The following ELMOD2 variants were observed in gnomAD, a reference collection of about 807,000 sequenced individuals.
ELMOD2 encodes the protein ELMO domain containing 2.
Under a neutral mutation model 41.0 loss-of-function variants are expected in ELMOD2, and 28 were observed. The ratio of observed to expected loss-of-function variants is 0.68; its 90% CI spans 0.51 to 0.94. The LOEUF is 0.94. ELMOD2 is among the 40% of genes least tolerant of loss of function. The pLI is 0.00. For synonymous variants in ELMOD2, 106 were observed against 107.2 expected, an observed-to-expected ratio of 0.99 and a Z score of 0.07; for missense variants, 333 against 343.1, an observed-to-expected ratio of 0.97 and a Z score of 0.23.
intron 8 of ELMOD2, 57 bp from the exon 9 acceptor site, chr4:140,550,173 G>T: frequency 7.0e-7 from 1 of 1,419,934 alleles, no homozygotes. Flanking sequence ...AAGATGAGAC[G>T]GTTTGAATGT....
At chr4:140,525,770 G>T (rs1449223127) in intron 2 of ELMOD2, among the ~76,000 whole-genome samples, 200 bp downstream of exon 2, 1 of 152,218 alleles carries the variant, frequency 6.6e-6, no homozygotes, top group Non-Finnish European at 1.5e-5. Flanking sequence ...AATTGCTTAT[G>T]TGTGGAAAGA....
chr4:140,525,050 G>C (rs1158112468), intron 1 of ELMOD2: 1 of 164,130 alleles, frequency 6.1e-6, no homozygotes, highest in Non-Finnish European at 1.3e-5. Context: ...TTGATTAGTT[G>C]GAGTCCTCTT....
Position 140,546,856 on chromosome 4 carries a change from T to G in ELMOD2, c.736+3270T>G, listed in dbSNP as rs11100665. Among the ~76,000 whole-genome samples the G allele has an allele frequency of 3.2e-3, 491 of 152,278 alleles. 2 individuals carry two copies. The highest frequency in any genetic ancestry group is 6.0e-3 in the Non-Finnish European group (409 of 68,006). ...AATATCTGAGGTAGAAAAGTCATTG[T>G]AGAACCCTTTCAGTTGCCTCCTGTC... On this transcript the variant is annotated intron_variant, in intron 8 of 8. Coordinates refer to ENST00000323570, the MANE Select transcript of ELMOD2 (RefSeq NM_153702.4).
At position 140,550,274 on chromosome 4, in the gene ELMOD2, C is replaced by G; in HGVS notation, c.781C>G (p.Pro261Ala). The G allele has an allele frequency of 6.2e-7, 1 of 1,610,822 alleles. No individual in the cohort carries two copies. Among genetic ancestry groups the G allele is most frequent in the Non-Finnish European group, 8.5e-7 (1 of 1,178,462 alleles). Residue 261 changes from proline to alanine, a missense_variant, in exon 9 of 9, where the codon CCA (proline) becomes GCA (alanine). Pro to Ala is a conservative substitution (Grantham distance 27). Transcript: ENST00000323570. ...TGACAAGTTTTGGTTTGAAGAAGAA[C>G]CAGAAAGCATTATGTATTTCAATTT... ...EFDKFWFEEE[P>A]ESIMYFNLYR...
At position 140,531,532 on chromosome 4, in the gene ELMOD2, A is replaced by G. The variant is rs893334840; in HGVS notation, c.171+4038A>G. The stretch of plus-strand genomic sequence containing the variant: ...TTAGGGAGGAATACTTTGGCAATCT[A>G]TTGGTGTTTTTGGTGGCTGTCTTTT... On this transcript the variant is annotated intron_variant, in intron 3 of 8. Transcript: ENST00000323570. Among the ~76,000 whole-genome samples the G allele has an allele frequency of 1.1e-4, 16 of 152,332 alleles. No homozygotes were observed. The East Asian group carries it at 1.9e-3, about 18-fold the overall frequency.
chr4:140,538,985 T>A (rs1231472284), intron 5 of ELMOD2, among the ~76,000 whole-genome samples: 1 of 152,194 alleles, frequency 6.6e-6, no homozygotes, highest in Non-Finnish European at 1.5e-5. Flanking sequence ...CCTTGCAGAA[T>A]TCATGGAGAG....
chr4:140,525,526 G>A lies in ELMOD2; in HGVS notation c.98G>A (p.Arg33Gln), dbSNP rs150918381. ...RQMTGKCELQ[R>Q]IFDTYVGAQR... is the part of the protein sequence containing the mutation. Reference sequence around the variant, plus strand: ...ATGACTGGGAAGTGTGAATTGCAGCGAATATTTGATACCTATGTAGGTGCA... The same window carrying A: ...ATGACTGGGAAGTGTGAATTGCAGCAAATATTTGATACCTATGTAGGTGCA... Residue 33 changes from arginine to glutamine, a missense_variant, in exon 2 of 9, where the codon CGA becomes CAA. Arg to Gln is a conservative substitution (Grantham distance 43). Transcript: ENST00000323570. 1 of 1,613,788 alleles carries A rather than the reference G, an allele frequency of 6.2e-7. No homozygotes were observed. The highest frequency in any genetic ancestry group is 8.5e-7 in the Non-Finnish European group (1 of 1,179,876).
Position 140,530,803 on chromosome 4 carries a change from T to C in ELMOD2, c.171+3309T>C, listed in dbSNP as rs373695607. Among the ~76,000 whole-genome samples the C allele has an allele frequency of 2.6e-5, 4 of 152,296 alleles. No homozygotes were observed. In the East Asian group the frequency reaches 7.7e-4, roughly 29 times the overall value. ...TTGCACCTAATTTGTATATTCCATT[T>C]ACTTTGTAGGGTAAATCTATTTCTC... On this transcript the variant is annotated intron_variant, in intron 3 of 8. Transcript: ENST00000323570.
At chr4:140,524,999 C>A in intron 1 of ELMOD2, 1 of 161,054 alleles carries the variant, frequency 6.2e-6, no homozygotes, top group Non-Finnish European at 1.4e-5. Flanking sequence ...AGAGTGTATT[C>A]TATAAAAACA....
At chr4:140,527,403 T>TA in intron 2 of ELMOD2, 63 bp from the exon 3 acceptor site, 1 of 1,277,584 alleles carries the variant, frequency 7.8e-7, no homozygotes, top group Non-Finnish European at 1.1e-6. Context: ...AGTTGTTTAT[T>TA]ATAGGGTAAT....
At position 140,550,525 on chromosome 4, in the gene ELMOD2, A is replaced by G; in HGVS notation, c.*150A>G. ...TTCTATTTAAGAAAGCTAGTGGACA[A>G]TCAGTGTATGTTTACAATTGTTTAT... is the stretch of plus-strand genomic sequence containing the variant. On this transcript the variant is annotated 3_prime_UTR_variant, in exon 9 of 9. Coordinates refer to ENST00000323570, the MANE Select transcript of ELMOD2 (RefSeq NM_153702.4). The G allele has an allele frequency of 1.3e-6, 1 of 774,260 alleles. No individual in the cohort carries two copies. The highest frequency in any genetic ancestry group is 2.0e-5 in the South Asian group (1 of 49,872). The allele number at this position is 774,260 out of a possible 1,614,324, so 48.0% of individuals were successfully genotyped here.
rs1200220869 is a variant in ELMOD2 at position 140,524,801 on chromosome 4, CGA to C, written c.-10+523_-10+524del. On this transcript the variant is annotated intron_variant, in intron 1 of 8. Coordinates refer to ENST00000323570, the MANE Select transcript of ELMOD2 (RefSeq NM_153702.4). ...CTTATGGCATAAGATATAGTTGTAT[CGA>C]GTGTGTACTTAGCAAAACAAAAACT... is the stretch of plus-strand genomic sequence containing the variant. 9 of 251,890 alleles carry C rather than the reference CGA, an allele frequency of 3.6e-5. 1 individual carries two copies. The highest frequency in any genetic ancestry group is 5.6e-5 in the Non-Finnish European group (9 of 159,574). 15.6% of individuals were successfully genotyped at this position (251,890 alleles called of 1,614,324 possible). A position where few individuals can be genotyped will look rare whatever the true frequency, so the allele number is the denominator to read the frequency against.
rs1233978789 is a variant in ELMOD2 at position 140,550,728 on chromosome 4, T to A, written c.*353T>A. Reference sequence around the variant, plus strand: ...GTTTTTATGTGTTATAGGGTCAAGTTGGTATCTTTTTCAAAGCTCTTTAAG... The same window carrying A: ...GTTTTTATGTGTTATAGGGTCAAGTAGGTATCTTTTTCAAAGCTCTTTAAG... On this transcript the variant is annotated 3_prime_UTR_variant, in exon 9 of 9. Transcript: ENST00000323570. The A allele has an allele frequency of 6.5e-6, 1 of 153,796 alleles. No individual in the cohort carries two copies. Among genetic ancestry groups the A allele is most frequent in the Non-Finnish European group, 1.5e-5 (1 of 68,866 alleles). The allele number at this position is 153,796 out of a possible 1,614,324, so 9.5% of individuals were successfully genotyped here.
Position 140,550,707 on chromosome 4 carries a change from T to G in ELMOD2, c.*332T>G, listed in dbSNP as rs1735446351. ...AAATGTGTAAAATCAATTTTCGTTT[T>G]TATGTGTTATAGGGTCAAGTTGGTA... On this transcript the variant is annotated 3_prime_UTR_variant, in exon 9 of 9. Coordinates refer to ENST00000323570, the MANE Select transcript of ELMOD2 (RefSeq NM_153702.4). 6.3e-6 allele frequency: 1 copy of G among 158,126 alleles called. No homozygotes were observed. The highest frequency in any genetic ancestry group is 2.4e-5 in the African/African-American group (1 of 41,622). 9.8% of individuals were successfully genotyped at this position (158,126 alleles called of 1,614,324 possible). A position where few individuals can be genotyped will look rare whatever the true frequency, so the allele number is the denominator to read the frequency against.
At chr4:140,540,352 C>A (rs766421419) in intron 6 of ELMOD2, 51 bp downstream of exon 6, 1 of 1,597,214 alleles carries the variant, frequency 6.3e-7, no homozygotes, top group African/African-American at 1.3e-5. Flanking sequence ...TACATTTAAT[C>A]TCTGATCTAG....
At chr4:140,525,017 T>A (rs1184753144) in intron 1 of ELMOD2, 1 of 162,408 alleles carries the variant, frequency 6.2e-6, no homozygotes, top group Non-Finnish European at 1.3e-5. Context: ...ACAACTCTGA[T>A]GTTTTGGTAT....
intron 3 of ELMOD2, among the ~76,000 whole-genome samples, chr4:140,533,249 G>C (rs908693654): frequency 6.6e-6 from 1 of 152,098 alleles, no homozygotes; most frequent in Non-Finnish European, 1.5e-5. Context: ...GAAATGGAAG[G>C]AACCTAGAAT....
At chr4:140,546,191 A>G (rs1036400929) in intron 8 of ELMOD2, among the ~76,000 whole-genome samples, 5 of 152,190 alleles carry the variant, frequency 3.3e-5, no homozygotes, top group Non-Finnish European at 7.3e-5. Flanking sequence ...TTGTAGGGAC[A>G]TGGATGAAGC....
chr4:140,549,590 C>A (rs1735402241), intron 8 of ELMOD2, among the ~76,000 whole-genome samples: 1 of 148,592 alleles, frequency 6.7e-6, no homozygotes, highest in South Asian at 2.2e-4. Flanking sequence ...TACACTTTAA[C>A]CTTATCCAAC....
Sources: gnomAD v4.1 joint callset for allele counts (sites outside exome capture counted in the v4.1 genomes callset) on GRCh38, gnomAD v4.1.1 for gene constraint, MANE v1.5 for transcripts, NCBI Gene and HGNC (gene_info 2026-07-23, HGNC 2026-07-21) for gene names.